The following LGALS12 variants were observed in gnomAD, a reference collection of about 807,000 sequenced individuals.
LGALS12 encodes galectin 12.
Under a neutral mutation model 36.8 loss-of-function variants are expected in LGALS12, and 36 were observed. The ratio of observed to expected loss-of-function variants is 0.98; its 90% CI spans 0.75 to 1.29. LGALS12 has a LOEUF of 1.29. Ranked by LOEUF, LGALS12 falls within the 50% of genes most tolerant of loss-of-function variation. The pLI, the probability that LGALS12 is intolerant of heterozygous loss-of-function variation, is 0.00. For synonymous variants in LGALS12, 145 were observed against 155.9 expected (o/e 0.93, Z 0.52); for missense variants, 366 against 394.3 (o/e 0.93, Z 0.61).
intron 7 of LGALS12, among the ~76,000 whole-genome samples, chr11:63,513,205 C>G (rs1031131323): frequency 6.6e-6 from 1 of 152,166 alleles, no homozygotes; most frequent in African/African-American, 2.4e-5. Flanking sequence ...TAATTCCAAC[C>G]TGCTAGGGAA....
chr11:63,514,637 A>C (rs2017025431), intron 7 of LGALS12, among the ~76,000 whole-genome samples: 1 of 152,090 alleles, frequency 6.6e-6, no homozygotes, highest in African/African-American at 2.4e-5. Flanking sequence ...CAGGTGCCAG[A>C]TCCCCCCACC....
chr11:63,513,108 G>C (rs2016977716), intron 7 of LGALS12, among the ~76,000 whole-genome samples: 1 of 152,174 alleles, frequency 6.6e-6, no homozygotes, highest in South Asian at 2.1e-4. Context: ...TTGGATTCCT[G>C]GTTTTGTCTC....
At chr11:63,508,077 G>T in intron 1 of LGALS12, 6 of 1,002,062 alleles carry the variant, frequency 6.0e-6, no homozygotes, top group Non-Finnish European at 7.2e-6. Context: ...GCCTGGGAAG[G>T]CCATTGTTAA....
intron 8 of LGALS12, among the ~76,000 whole-genome samples, chr11:63,515,993 C>G (rs2134339683): frequency 6.6e-6 from 1 of 152,296 alleles, no homozygotes. Context: ...CAGAACCACT[C>G]CTCTACAGGA....
intron 1 of LGALS12, among the ~76,000 whole-genome samples, chr11:63,507,725 CTTTTTT>C (rs199594642): frequency 5.7e-5 from 4 of 69,924 alleles, no homozygotes; most frequent in Admixed American, 1.6e-4. Context: ...CAGGCAACTT[CTTTTTT>C]TTTTTTTTTT....
intron 1 of LGALS12, among the ~76,000 whole-genome samples, chr11:63,507,054 T>A (rs12803628): frequency 0.36 from 55,259 of 152,102 alleles, 11,791 homozygotes; most frequent in Non-Finnish European, 0.47. Flanking sequence ...TCACTTTCCC[T>A]TACTTGGCCC....
Position 63,516,232 on chromosome 11 carries a change from G to A in LGALS12, c.799-15G>A. The A allele has an allele frequency of 6.5e-7, 1 of 1,547,538 alleles. No individual in the cohort carries two copies. Among genetic ancestry groups the A allele is most frequent in the East Asian group, 2.3e-5 (1 of 44,334 alleles). ...TGGCTGGAAGCTGCAACCCCCTCAT[G>A]TCCTCCTTTCCCAGGTGCTGCTCCT... On this transcript the variant is annotated splice_polypyrimidine_tract_variant and intron_variant, in intron 8 of 8. Coordinates refer to ENST00000394618, the MANE Select transcript of LGALS12 (RefSeq NM_033101.4).
At position 63,506,465 on chromosome 11, in the gene LGALS12, C is replaced by T; in HGVS notation, c.7C>T (p.Pro3Ser). The change falls in exon 1 of 9, where the codon CCT becomes TCT. Residue 3 changes from proline to serine, a missense_variant. Coordinates refer to ENST00000394618, the MANE Select transcript of LGALS12 (RefSeq NM_033101.4). ...TTGGAGTTGCCCCACTGTCATGTCACCTGGAGAAAAACTGGACCCAATTCC... is the reference window on the plus strand; with the variant it reads ...TTGGAGTTGCCCCACTGTCATGTCATCTGGAGAAAAACTGGACCCAATTCC... MS[P>S]GEKLDPIPDS... is the part of the protein sequence containing the mutation. 4 of 1,614,198 alleles carry T rather than the reference C, an allele frequency of 2.5e-6. No homozygotes were observed. Among genetic ancestry groups the T allele is most frequent in the Non-Finnish European group, 3.4e-6 (4 of 1,180,034 alleles).
At position 63,516,253 on chromosome 11, in the gene LGALS12, C is replaced by T. The variant is rs1425307882; in HGVS notation, c.805C>T (p.Leu269Phe). 3.2e-6 allele frequency: 5 copies of T among 1,577,068 alleles called. No homozygotes were observed. The highest frequency in any genetic ancestry group is 4.3e-6 in the Non-Finnish European group (5 of 1,163,306). Residue 269 changes from leucine to phenylalanine, a missense_variant, in exon 9 of 9, where the codon CTC (leucine) becomes TTC (phenylalanine). Coordinates refer to ENST00000394618, the MANE Select transcript of LGALS12 (RefSeq NM_033101.4). ...TCATGTCCTCCTTTCCCAGGTGCTG[C>T]TCCTGTTCCAGGAGGGAGGGCTGAA... ...FYPQRFFEVL[L>F]LFQEGGLKLA...
In LGALS12 at chr11:63,506,290, C is replaced by A; in HGVS notation, c.-169C>A. 7.5e-7 allele frequency: 1 copy of A among 1,326,728 alleles called. No individual in the cohort carries two copies. Among genetic ancestry groups the A allele is most frequent in the Non-Finnish European group, 1.0e-6 (1 of 984,076 alleles). 82.2% of individuals were successfully genotyped at this position (1,326,728 alleles called of 1,614,324 possible). On this transcript the variant is annotated 5_prime_UTR_variant, in exon 1 of 9. Coordinates refer to ENST00000394618, the MANE Select transcript of LGALS12 (RefSeq NM_033101.4). Reference sequence around the variant, plus strand: ...TGTGGAGCCTGGAGGTCGCCCGCTGCCCTCCTAGGGCTGCTCCAGACAGCA... The same window carrying A: ...TGTGGAGCCTGGAGGTCGCCCGCTGACCTCCTAGGGCTGCTCCAGACAGCA...
Position 63,516,479 on chromosome 11 carries a change from A to G in LGALS12, c.*86A>G. The stretch of plus-strand genomic sequence containing the variant: ...CTCTCCTCCCCTCATTAAACCATCC[A>G]CCTGACACCAGCACATCAGGCCTGG... On this transcript the variant is annotated 3_prime_UTR_variant, in exon 9 of 9. Coordinates refer to ENST00000394618, the MANE Select transcript of LGALS12 (RefSeq NM_033101.4). 6.8e-7 allele frequency: 1 copy of G among 1,476,338 alleles called. No individual in the cohort carries two copies. Among genetic ancestry groups the G allele is most frequent in the South Asian group, 1.2e-5 (1 of 86,726 alleles). The allele number at this position is 1,476,338 out of a possible 1,614,324, so 91.5% of individuals were successfully genotyped here.
rs372981132 is a variant in LGALS12, at chr11:63,508,643, T to A, written c.158+2T>A. 6.2e-7 allele frequency: 1 copy of A among 1,613,962 alleles called. No individual in the cohort carries two copies. Among genetic ancestry groups the A allele is most frequent in the Non-Finnish European group, 8.5e-7 (1 of 1,179,980 alleles). ...AGTGGTCCCTCTAGATGCACACAGG[T>A]AAGGCGGGGGAGGTGGCCCAGGGGG... On this transcript the variant is annotated splice_donor_variant, in intron 2 of 8. Transcript: ENST00000394618. LOFTEE classifies it high-confidence loss of function.
rs1565227170 is a variant in LGALS12, at chr11:63,511,784, T to G, written c.591T>G (p.Gly197=). 3 of 1,613,616 alleles carry G rather than the reference T, an allele frequency of 1.9e-6. No individual in the cohort carries two copies. The highest frequency in any genetic ancestry group is 2.7e-5 in the African/African-American group (2 of 74,994). The change falls in exon 7 of 9, where the codon GGT becomes GGG. Residue 197 remains glycine (G), a synonymous_variant. Coordinates refer to ENST00000394618, the MANE Select transcript of LGALS12 (RefSeq NM_033101.4). ...EVPCSHALPQ[G]LSPGQVIIVR... is the part of the protein sequence containing the mutation. The stretch of plus-strand genomic sequence containing the variant: ...CCTGCTCACATGCTCTTCCCCAGGG[T>G]CTCTCGCCTGGGCAGGTCATCATAG...
At chr11:63,506,636 C>T (rs2016751071) in intron 1 of LGALS12, 109 bp downstream of exon 1, 2 of 1,407,056 alleles carry the variant, frequency 1.4e-6, no homozygotes, top group East Asian at 4.6e-5. Context: ...CTTTCTGCTT[C>T]TCCCAGCACC....
At chr11:63,510,029 G>T (rs2016870909) in intron 4 of LGALS12, 132 bp downstream of exon 4, 4 of 1,121,642 alleles carry the variant, frequency 3.6e-6, no homozygotes, top group African/African-American at 3.1e-5. Context: ...AATAGCCAAG[G>T]GGGAGGGAGT....
intron 1 of LGALS12, among the ~76,000 whole-genome samples, chr11:63,506,871 C>T (rs2016757450): frequency 6.6e-6 from 1 of 152,088 alleles, no homozygotes; most frequent in African/African-American, 2.4e-5. Flanking sequence ...CAGTCTCATC[C>T]CCAGCCTGGA....
At position 63,508,353 on chromosome 11, in the gene LGALS12, C is replaced by T. The variant is rs957834265; in HGVS notation, c.70-200C>T. On this transcript the variant is annotated intron_variant, in intron 1 of 8. Transcript: ENST00000394618. The stretch of plus-strand genomic sequence containing the variant: ...ATTTGACTTCTCTGGTGTAATGCAG[C>T]TTTGCCGTGTGACGGTCCAGGAAAG... The T allele has an allele frequency of 2.8e-6, 4 of 1,427,016 alleles. No homozygotes were observed. In the South Asian group the frequency reaches 6.1e-5, roughly 22 times the overall value. The allele number at this position is 1,427,016 out of a possible 1,614,324, so 88.4% of individuals were successfully genotyped here.
chr11:63,509,033 C>A (rs771031635), intron 3 of LGALS12, 42 bp downstream of exon 3: 4 of 1,484,138 alleles, frequency 2.7e-6, no homozygotes, highest in South Asian at 2.3e-5. Context: ...GAATTTGTGT[C>A]CTTGCGCCCT....
chr11:63,507,346 G>A (rs1050250242), intron 1 of LGALS12, among the ~76,000 whole-genome samples: 5 of 152,204 alleles, frequency 3.3e-5, no homozygotes, highest in African/African-American at 1.2e-4. Context: ...TTGGGAGTTA[G>A]AGAGCAACAC....
Sources: allele counts gnomAD v4.1 joint callset (sites outside exome capture counted in the v4.1 genomes callset), GRCh38; gene constraint gnomAD v4.1.1; transcripts MANE v1.5; gene names NCBI Gene and HGNC (gene_info 2026-07-23, HGNC 2026-07-21).